MARCHF8: variants seen among roughly 807,000 people sequenced by gnomAD.
MARCHF8 encodes the protein membrane associated ring-CH-type finger 8.
Under a neutral mutation model 51.6 loss-of-function variants are expected in MARCHF8, and 40 were observed. The ratio of observed to expected loss-of-function variants is 0.77; its 90% CI spans 0.60 to 1.01. The LOEUF is 1.01. Among genes scored for constraint, MARCHF8 ranks in the 50% least tolerant of loss-of-function variants. MARCHF8 has a pLI of 0.00. For synonymous variants in MARCHF8, 263 were observed against 280.3 expected (o/e 0.94, Z 0.62); for missense variants, 685 against 708.6 (o/e 0.97, Z 0.38).
chr10:45,587,365 A>G (rs961625361), intron 1 of MARCHF8, among the ~76,000 whole-genome samples: 4 of 152,190 alleles, frequency 2.6e-5, no homozygotes, highest in Non-Finnish European at 5.9e-5. Flanking sequence ...TTAAGATATA[A>G]ATTCAACAAA....
chr10:45,584,893 C>T (rs906217196), intron 1 of MARCHF8, among the ~76,000 whole-genome samples: 2 of 152,144 alleles, frequency 1.3e-5, no homozygotes, highest in African/African-American at 2.4e-5. Flanking sequence ...AAGCTGAGAA[C>T]GACCATCAGC....
At chr10:45,572,733 T>C (rs1198344581) in intron 1 of MARCHF8, among the ~76,000 whole-genome samples, 2 of 152,034 alleles carry the variant, frequency 1.3e-5, no homozygotes, top group Non-Finnish European at 2.9e-5. Flanking sequence ...TCTGAGTCTT[T>C]TGAATCTTCC....
At chr10:45,511,536 T>C (rs1434761242) in intron 2 of MARCHF8, among the ~76,000 whole-genome samples, 2 of 152,238 alleles carry the variant, frequency 1.3e-5, no homozygotes, top group Admixed American at 1.3e-4. Flanking sequence ...GCCTGCCGAG[T>C]GCCTGCGATT....
At chr10:45,533,592 T>A (rs1336596579) in intron 1 of MARCHF8, among the ~76,000 whole-genome samples, 2 of 152,094 alleles carry the variant, frequency 1.3e-5, no homozygotes, top group Non-Finnish European at 2.9e-5. Flanking sequence ...ATTTTAAGAA[T>A]ATTTTTGAAG....
intron 2 of MARCHF8, 139 bp downstream of exon 2, chr10:45,532,971 T>C (rs2043911674): frequency 5.4e-6 from 3 of 552,170 alleles, no homozygotes; most frequent in Non-Finnish European, 8.4e-6. Context: ...AGACAATTCC[T>C]TCTGAGTACA....
At chr10:45,568,709 C>A (rs2044393068) in intron 1 of MARCHF8, among the ~76,000 whole-genome samples, 1 of 88,208 alleles carries the variant, frequency 1.1e-5, no homozygotes, top group Non-Finnish European at 2.1e-5. Context: ...CAGAGCGAGA[C>A]TGTTTCAAAA....
chr10:45,490,157 G>A (rs558318595), intron 2 of MARCHF8, among the ~76,000 whole-genome samples: 6 of 152,084 alleles, frequency 3.9e-5, no homozygotes, highest in East Asian at 1.9e-4. Context: ...TTTGCCTTTA[G>A]GTTGACCTCC....
chr10:45,573,252 T>C (rs1286019141), intron 1 of MARCHF8, among the ~76,000 whole-genome samples: 3 of 152,040 alleles, frequency 2.0e-5, no homozygotes, highest in African/African-American at 7.2e-5. Flanking sequence ...TAAATAAAAC[T>C]CCTAAAATTA....
intron 3 of MARCHF8, among the ~76,000 whole-genome samples, chr10:45,488,405 C>T (rs1162059005): frequency 6.6e-6 from 1 of 152,074 alleles, no homozygotes; most frequent in Non-Finnish European, 1.5e-5. Context: ...CAGCTCTCAT[C>T]GTGAGACCAT....
intron 2 of MARCHF8, among the ~76,000 whole-genome samples, chr10:45,513,848 C>G (rs1190393735): frequency 1.3e-5 from 2 of 152,146 alleles, no homozygotes; most frequent in African/African-American, 4.8e-5. Context: ...CTATGAGAAG[C>G]TAAAAGATCT....
intron 2 of MARCHF8, among the ~76,000 whole-genome samples, chr10:45,509,627 T>C (rs546928004): frequency 1.3e-5 from 2 of 152,356 alleles, no homozygotes; most frequent in East Asian, 3.9e-4. Flanking sequence ...TTAAGTGTTC[T>C]GGAACTAAGG....
intron 1 of MARCHF8, among the ~76,000 whole-genome samples, chr10:45,534,579 G>T (rs76095687): frequency 6.6e-6 from 1 of 152,140 alleles, no homozygotes; most frequent in South Asian, 2.1e-4. Flanking sequence ...TATCCAGAAG[G>T]TTTAATGTAG....
intron 1 of MARCHF8, among the ~76,000 whole-genome samples, chr10:45,560,910 C>T (rs192455548): frequency 6.6e-6 from 1 of 152,152 alleles, no homozygotes; most frequent in African/African-American, 2.4e-5. Flanking sequence ...ATCAAAAAAG[C>T]CTCGTATAAG....
At chr10:45,589,099 C>T (rs1000144250) in intron 1 of MARCHF8, among the ~76,000 whole-genome samples, 4 of 151,584 alleles carry the variant, frequency 2.6e-5, no homozygotes, top group African/African-American at 7.3e-5. Context: ...CATTGCAACA[C>T]TGCTGCTTAT....
intron 3 of MARCHF8, among the ~76,000 whole-genome samples, chr10:45,477,240 A>T (rs2042803016): frequency 6.6e-6 from 1 of 152,230 alleles, no homozygotes. Flanking sequence ...ATATCCATCC[A>T]AGTTATCACT....
chr10:45,467,621 G>A (rs1009483785), intron 3 of MARCHF8, among the ~76,000 whole-genome samples: 2 of 152,176 alleles, frequency 1.3e-5, no homozygotes, highest in Admixed American at 6.5e-5. Flanking sequence ...CTGGAAGCCA[G>A]TGTAATCAAA....
At chr10:45,583,859 G>A (rs950975019) in intron 1 of MARCHF8, among the ~76,000 whole-genome samples, 4 of 151,670 alleles carry the variant, frequency 2.6e-5, no homozygotes, top group Non-Finnish European at 5.9e-5. Context: ...AAAAAGAATG[G>A]AGGGAAGGTG....
At chr10:45,520,682 A>G (rs1037876282) in intron 2 of MARCHF8, among the ~76,000 whole-genome samples, 3 of 152,218 alleles carry the variant, frequency 2.0e-5, no homozygotes, top group Non-Finnish European at 4.4e-5. Context: ...ATTCTACCAC[A>G]CGAGGGGGCG....
rs527568926 is a variant in MARCHF8 at position 45,589,442 on chromosome 10, G to A, written c.-79+4793C>T. Reference sequence around the variant, plus strand: ...CTTTCCACTAATAGCTTTTTTGCAGGTGTGCAATTCAATAGTTTTTAGCAA... The same window carrying A: ...CTTTCCACTAATAGCTTTTTTGCAGATGTGCAATTCAATAGTTTTTAGCAA... On this transcript the variant is annotated intron_variant, in intron 1 of 6. Transcript: ENST00000319836. 3.3e-5 allele frequency among the ~76,000 whole-genome samples: 5 copies of A among 152,190 alleles called. No individual in the cohort carries two copies. In the South Asian group the frequency reaches 1.0e-3, roughly 32 times the overall value.
Sources: allele counts gnomAD v4.1 joint callset (sites outside exome capture counted in the v4.1 genomes callset), GRCh38; gene constraint gnomAD v4.1.1; transcripts MANE v1.5; gene names NCBI Gene and HGNC (gene_info 2026-07-23, HGNC 2026-07-21).